SORBS2: variants seen among roughly 807,000 people sequenced by gnomAD.
SORBS2 encodes the protein sorbin and SH3 domain containing 2, also known as sorbin and SH3 domain-containing protein 2.
SORBS2 carries 46 observed loss-of-function variants against 97.7 expected under a neutral mutation model. The ratio of observed to expected loss-of-function variants is 0.47; its 90% CI spans 0.37 to 0.60. The LOEUF is 0.60. Ranked by LOEUF, SORBS2 falls within the 20% of genes least tolerant of loss-of-function variation. The probability of loss-of-function intolerance (pLI) is 0.00; values close to 1 mark genes in which losing one functional copy is unlikely to be tolerated. For missense variants in SORBS2, 1,316 were observed against 1,282.3 expected, an observed-to-expected ratio of 1.03 and a Z score of -0.40; for synonymous variants, 476 against 473.4, an observed-to-expected ratio of 1.01 and a Z score of -0.07.
Position 185,624,511 on chromosome 4 carries a change from G to C in SORBS2, c.635-17C>G, listed in dbSNP as rs2096776673. On this transcript the variant is annotated splice_polypyrimidine_tract_variant and intron_variant, in intron 6 of 14. Coordinates refer to ENST00000418609, the Ensembl canonical transcript of SORBS2. Reference sequence around the variant, plus strand: ...CATCCCCACCTTTTAATCCAGAGCAGCGTGGTAGAAGAGAGACATTTGGAG... The same window carrying C: ...CATCCCCACCTTTTAATCCAGAGCACCGTGGTAGAAGAGAGACATTTGGAG... 1 of 1,583,452 alleles carries C rather than the reference G, an allele frequency of 6.3e-7. No homozygotes were observed. Among genetic ancestry groups the C allele is most frequent in the African/African-American group, 1.3e-5 (1 of 74,110 alleles).
At chr4:185,614,112 A>G (rs976940016) in intron 11 of SORBS2, among the ~76,000 whole-genome samples, 7 of 151,232 alleles carry the variant, frequency 4.6e-5, no homozygotes, top group Non-Finnish European at 1.0e-4. Context: ...ATCATTCTCA[A>G]TTATGTAAAC....
chr4:185,911,602 T>C (rs1250307851), intron 1 of SORBS2, among the ~76,000 whole-genome samples: 3 of 152,124 alleles, frequency 2.0e-5, no homozygotes, highest in Non-Finnish European at 4.4e-5. Context: ...AAGATACACA[T>C]TTTAACATCT....
At chr4:185,759,469 G>A (rs1390999073) in intron 2 of SORBS2, among the ~76,000 whole-genome samples, 5 of 152,208 alleles carry the variant, frequency 3.3e-5, no homozygotes, top group African/African-American at 1.2e-4. Flanking sequence ...GATTGAGCTG[G>A]ATGACAAAGG....
At chr4:185,855,731 A>G (rs775562257) in intron 1 of SORBS2, among the ~76,000 whole-genome samples, 193 of 152,266 alleles carry the variant, frequency 1.3e-3, no homozygotes, top group Non-Finnish European at 2.2e-3. Context: ...CTCCCACCAA[A>G]TCCATCATAT....
chr4:185,795,894 G>T (rs1285622821), intron 1 of SORBS2, among the ~76,000 whole-genome samples: 2 of 152,064 alleles, frequency 1.3e-5, no homozygotes, highest in Non-Finnish European at 2.9e-5. Flanking sequence ...CAGAAACCTG[G>T]TGATTAAACC....
chr4:185,707,540 G>A (rs10026539), intron 2 of SORBS2, among the ~76,000 whole-genome samples: 3 of 151,654 alleles, frequency 2.0e-5, no homozygotes, highest in Admixed American at 6.6e-5. Context: ...TGGGTACAAG[G>A]CACATAAATT....
intron 1 of SORBS2, among the ~76,000 whole-genome samples, chr4:185,858,303 G>A (rs1249797315): frequency 6.6e-6 from 1 of 152,188 alleles, no homozygotes; most frequent in Non-Finnish European, 1.5e-5. Context: ...TTCTCACCAT[G>A]TAAAGAAGAA....
chr4:185,647,166 G>A (rs978816849), intron 3 of SORBS2, among the ~76,000 whole-genome samples: 59 of 152,214 alleles, frequency 3.9e-4, no homozygotes, highest in African/African-American at 1.4e-3. Flanking sequence ...TGGGATCATC[G>A]CTTGGGAAGA....
intron 8 of SORBS2, among the ~76,000 whole-genome samples, chr4:185,619,096 G>A (rs531763456): frequency 3.3e-5 from 5 of 152,238 alleles, no homozygotes; most frequent in Admixed American, 2.6e-4. Flanking sequence ...AAAAATATTA[G>A]CTCAATTATC....
chr4:185,730,959 T>G (rs767017012), intron 2 of SORBS2, among the ~76,000 whole-genome samples: 1 of 152,234 alleles, frequency 6.6e-6, no homozygotes, highest in African/African-American at 2.4e-5. Context: ...TGGTATCTAT[T>G]TGAGCATTTT....
intron 1 of SORBS2, among the ~76,000 whole-genome samples, chr4:185,952,575 C>T (rs1235852512): frequency 6.6e-6 from 1 of 152,178 alleles, no homozygotes; most frequent in Non-Finnish European, 1.5e-5. Flanking sequence ...AAAATCAAGG[C>T]ATGCAGTGCA....
chr4:185,694,952 G>A (rs1384645345), intron 2 of SORBS2, among the ~76,000 whole-genome samples: 8 of 151,606 alleles, frequency 5.3e-5, no homozygotes, highest in Admixed American at 2.6e-4. Flanking sequence ...TGATCCTCCC[G>A]CCTCAGCCTC....
intron 1 of SORBS2, chr4:185,811,927 G>A (rs961763221): frequency 2.0e-5 from 3 of 152,280 alleles, no homozygotes; most frequent in Admixed American, 6.5e-5. Flanking sequence ...TAAGCAGCTA[G>A]GGAGCTGCTG....
chr4:185,938,383 GACACATACAC>G (rs1281727348), intron 1 of SORBS2, among the ~76,000 whole-genome samples: 6 of 91,346 alleles, frequency 6.6e-5, no homozygotes, highest in African/African-American at 2.1e-4. Context: ...GAAAAATGTA[GACACATACAC>G]ACACACACAC....
intron 1 of SORBS2, among the ~76,000 whole-genome samples, chr4:185,905,401 A>G (rs965093211): frequency 6.6e-6 from 1 of 152,226 alleles, no homozygotes; most frequent in African/African-American, 2.4e-5. Context: ...AAGAGATACT[A>G]AAAGCTGTAT....
chr4:185,609,297 G>A (rs542012898), intron 12 of SORBS2, among the ~76,000 whole-genome samples: 1 of 152,180 alleles, frequency 6.6e-6, no homozygotes, highest in Admixed American at 6.5e-5. Flanking sequence ...GATTTGGAAA[G>A]TCTGTGAAAT....
In SORBS2 at chr4:185,723,764, T is replaced by G. The variant is rs142302800; in HGVS notation, c.-197-44942A>C. ...TCTCTGTGGAGTTGAGGAAAGAAAG[T>G]AATTCATAGACACAGGGCAGCACGC... On this transcript the variant is annotated intron_variant, in intron 2 of 20. Coordinates refer to the SORBS2 transcript ENST00000284776. 3.0e-3 allele frequency among the ~76,000 whole-genome samples: 459 copies of G among 152,312 alleles called. 6 individuals are homozygous for G. The highest frequency in any genetic ancestry group is 9.7e-3 in the African/African-American group (404 of 41,558).
intron 5 of SORBS2, among the ~76,000 whole-genome samples, chr4:185,629,564 G>GTT (rs397880846): frequency 0.047 from 6,385 of 135,640 alleles, 527 homozygotes; most frequent in African/African-American, 0.17. Flanking sequence ...TTTGTGATTT[G>GTT]TTTTTTTTTT....
At chr4:185,590,555 T>C (rs969576358) in intron 13 of SORBS2, among the ~76,000 whole-genome samples, 1 of 152,174 alleles carries the variant, frequency 6.6e-6, no homozygotes, top group Non-Finnish European at 1.5e-5. Flanking sequence ...AGAAAAATTG[T>C]ATTTGATTTT....
Sources: gnomAD v4.1 joint callset for allele counts (sites outside exome capture counted in the v4.1 genomes callset) on GRCh38, gnomAD v4.1.1 for gene constraint, MANE v1.5 for transcripts, NCBI Gene and HGNC (gene_info 2026-07-23, HGNC 2026-07-21) for gene names.